The following MAST4 variants were observed in gnomAD, a reference collection of about 807,000 sequenced individuals.
MAST4 encodes microtubule-associated serine/threonine-protein kinase 4.
Under a neutral mutation model 162.7 loss-of-function variants are expected in MAST4, and 89 were observed. That is an observed-to-expected ratio of 0.55 (90% CI 0.46 to 0.65). MAST4 has a LOEUF of 0.65. Among genes scored for constraint, MAST4 ranks in the 30% least tolerant of loss-of-function variants. The pLI is 0.00. For synonymous variants in MAST4, 1,479 were observed against 1,361.1 expected, an observed-to-expected ratio of 1.09 and a Z score of -1.91; for missense variants, 3,153 against 3,374.0, an observed-to-expected ratio of 0.93 and a Z score of 1.62.
chr5:66,875,166 T>C (rs1761212141), intron 3 of MAST4, among the ~76,000 whole-genome samples: 1 of 152,196 alleles, frequency 6.6e-6, no homozygotes, highest in South Asian at 2.1e-4. Flanking sequence ...TAATTTCTTC[T>C]TTTTCAGAGG....
At chr5:66,917,178 G>T (rs940520781) in intron 4 of MAST4, 1 of 529,872 alleles carries the variant, frequency 1.9e-6, no homozygotes, top group African/African-American at 1.9e-5. Flanking sequence ...ACTTTAAATT[G>T]CATTTCCTTC....
At chr5:66,778,502 A>C (rs967145203) in intron 2 of MAST4, among the ~76,000 whole-genome samples, 2 of 152,206 alleles carry the variant, frequency 1.3e-5, no homozygotes, top group African/African-American at 4.8e-5. Flanking sequence ...CCCTTATTAG[A>C]ATTTGACTGA....
intron 1 of MAST4, among the ~76,000 whole-genome samples, chr5:66,749,517 T>C (rs924621240): frequency 6.6e-6 from 1 of 152,226 alleles, no homozygotes; most frequent in African/African-American, 2.4e-5. Context: ...GGTATGATTG[T>C]AAAGAGTTTA....
intron 4 of MAST4, among the ~76,000 whole-genome samples, chr5:67,023,452 C>T (rs373838185): frequency 6.6e-6 from 1 of 152,084 alleles, no homozygotes; most frequent in Non-Finnish European, 1.5e-5. Flanking sequence ...CCAAGCCATA[C>T]GTAGCTCTAT....
intron 3 of MAST4, among the ~76,000 whole-genome samples, chr5:66,815,301 T>A (rs1158656428): frequency 5.9e-5 from 9 of 152,228 alleles, no homozygotes; most frequent in Non-Finnish European, 7.3e-5. Context: ...TAGTAACATA[T>A]TCCCCCCTTA....
intron 4 of MAST4, among the ~76,000 whole-genome samples, chr5:66,972,601 A>G (rs868028955): frequency 1.2e-3 from 187 of 152,244 alleles, no homozygotes; most frequent in African/African-American, 4.3e-3. Context: ...TGCCTTCTCA[A>G]TATGCGATGC....
At chr5:67,061,151 A>G (rs948315545) in intron 5 of MAST4, among the ~76,000 whole-genome samples, 100 of 140,332 alleles carry the variant, frequency 7.1e-4, no homozygotes, top group Middle Eastern at 3.5e-3. Flanking sequence ...TTTTTCCTGT[A>G]TGTACTCTGT....
chr5:66,885,747 A>G (rs1761995880), intron 3 of MAST4, among the ~76,000 whole-genome samples: 1 of 152,222 alleles, frequency 6.6e-6, no homozygotes, highest in African/African-American at 2.4e-5. Context: ...CTTAGATAAT[A>G]TTTAAATTTA....
intron 14 of MAST4, among the ~76,000 whole-genome samples, chr5:67,122,281 G>C (rs535542673): frequency 5.3e-5 from 8 of 152,228 alleles, no homozygotes; most frequent in South Asian, 2.1e-4. Flanking sequence ...AGTTTTTGTT[G>C]TGCCACAAGG....
At chr5:66,797,789 A>G (rs1488778055) in intron 3 of MAST4, among the ~76,000 whole-genome samples, 3 of 152,186 alleles carry the variant, frequency 2.0e-5, no homozygotes, top group African/African-American at 7.2e-5. Context: ...CTTCAAGGCC[A>G]AGTGGAAATT....
At chr5:66,673,587 C>A (rs553129423) in intron 1 of MAST4, among the ~76,000 whole-genome samples, 77 of 142,204 alleles carry the variant, frequency 5.4e-4, no homozygotes, top group Non-Finnish European at 9.9e-4. Context: ...AGTGACGTGG[C>A]GCGATCACAG....
intron 1 of MAST4, among the ~76,000 whole-genome samples, chr5:66,624,326 T>C (rs1398483984): frequency 6.6e-6 from 1 of 151,834 alleles, no homozygotes; most frequent in Non-Finnish European, 1.5e-5. Context: ...CTAATTTTTT[T>C]GTATTTTTAG....
intron 5 of MAST4, among the ~76,000 whole-genome samples, chr5:67,058,690 T>A (rs898822779): frequency 6.6e-6 from 1 of 152,196 alleles, no homozygotes; most frequent in Non-Finnish European, 1.5e-5. Flanking sequence ...TGTGCATCTG[T>A]GTTTTAGAGT....
intron 3 of MAST4, among the ~76,000 whole-genome samples, chr5:66,837,453 T>C (rs1318856469): frequency 6.6e-6 from 1 of 152,138 alleles, no homozygotes; most frequent in African/African-American, 2.4e-5. Flanking sequence ...TTTCCTTCAT[T>C]GTCTAAGAAA....
intron 4 of MAST4, among the ~76,000 whole-genome samples, chr5:66,914,174 C>A (rs1763955457): frequency 6.6e-6 from 1 of 151,566 alleles, no homozygotes; most frequent in African/African-American, 2.4e-5. Context: ...TTATTGAAAT[C>A]ATATTGAATC....
rs969228261 is a variant in MAST4, at chr5:67,131,795, C to G, written c.1955-18C>G. 1 of 1,610,640 alleles carries G rather than the reference C, an allele frequency of 6.2e-7. No homozygotes were observed. Among genetic ancestry groups the G allele is most frequent in the African/African-American group, 1.3e-5 (1 of 74,860 alleles). On this transcript the variant is annotated intron_variant, in intron 15 of 28. Coordinates refer to ENST00000403625, the MANE Select transcript of MAST4 (RefSeq NM_001164664.2). ...AGCCTTCATCCTATAGCTACTAACT[C>G]TTTTTCCTGTGTTACAGGGGGAGAC... is the stretch of plus-strand genomic sequence containing the variant.
intron 1 of MAST4, among the ~76,000 whole-genome samples, chr5:66,695,736 A>G (rs1749358872): frequency 6.6e-6 from 1 of 152,168 alleles, no homozygotes; most frequent in South Asian, 2.1e-4. Context: ...AAATAGGAAC[A>G]CTTTTACATC....
chr5:66,947,545 A>G (rs947130709), intron 4 of MAST4, among the ~76,000 whole-genome samples: 1 of 152,040 alleles, frequency 6.6e-6, no homozygotes, highest in African/African-American at 2.4e-5. Context: ...TTGGAAGCTA[A>G]CCTCCCACTC....
intron 4 of MAST4, among the ~76,000 whole-genome samples, chr5:66,977,951 T>C (rs935080852): frequency 5.3e-5 from 8 of 152,196 alleles, no homozygotes; most frequent in Non-Finnish European, 1.2e-4. Flanking sequence ...TTATTTTTAT[T>C]CTCTGCTTCT....
Sources: allele counts gnomAD v4.1 joint callset (sites outside exome capture counted in the v4.1 genomes callset), GRCh38; gene constraint gnomAD v4.1.1; transcripts MANE v1.5; gene names NCBI Gene and HGNC (gene_info 2026-07-23, HGNC 2026-07-21).